The following RC3H1 variants were observed in gnomAD, a reference collection of about 807,000 sequenced individuals.
The protein encoded by RC3H1 is ring finger and CCCH-type domains 1, also known as roquin-1.
In RC3H1, 50 loss-of-function variants were observed where a neutral mutation model predicts 138.2. That is an observed-to-expected ratio of 0.36 (90% CI 0.29 to 0.46). The LOEUF (loss-of-function observed/expected upper bound fraction) is 0.46, where lower values mean the gene tolerates loss of function less well. Among genes scored for constraint, RC3H1 ranks in the 20% least tolerant of loss-of-function variants. RC3H1 has a pLI of 1.00. For synonymous variants in RC3H1, 462 were observed against 489.1 expected (o/e 0.94, Z 0.73); for missense variants, 1,031 against 1,388.1 (o/e 0.74, Z 4.09).
rs1316232947 is a variant in RC3H1, at chr1:173,933,935, T to TA, written c.*4785dup. 4.3e-5 allele frequency: 6 copies of TA among 138,376 alleles called. No homozygotes were observed. Among genetic ancestry groups the TA allele is most frequent in the African/African-American group, 1.8e-4 (5 of 28,566 alleles). The allele number at this position is 138,376 out of a possible 1,614,324, so 8.6% of individuals were successfully genotyped here. A position where few individuals can be genotyped will look rare whatever the true frequency, so the allele number is the denominator to read the frequency against. ...TCATCAGTTAAAAATTTAACACACT[T>TA]AGACTCTTATTAGGGGGAAAAAATC... On this transcript the variant is annotated 3_prime_UTR_variant, in exon 20 of 20. Transcript: ENST00000367696.
chr1:174,018,579 A>G (rs1043803763), intron 1 of RC3H1, among the ~76,000 whole-genome samples: 2 of 152,204 alleles, frequency 1.3e-5, no homozygotes, highest in African/African-American at 4.8e-5. Flanking sequence ...CATAACCTCT[A>G]AAGCTAGTCC....
At chr1:174,004,880 A>G (rs931640032) in intron 1 of RC3H1, among the ~76,000 whole-genome samples, 4 of 151,442 alleles carry the variant, frequency 2.6e-5, no homozygotes, top group African/African-American at 7.3e-5. Flanking sequence ...TTCTTCCCCA[A>G]CAGTTTCCCA....
At chr1:174,018,906 G>C (rs1661910671) in intron 1 of RC3H1, among the ~76,000 whole-genome samples, 1 of 152,102 alleles carries the variant, frequency 6.6e-6, no homozygotes, top group South Asian at 2.1e-4. Context: ...AGACCCATCA[G>C]AATCCATTTC....
chr1:173,938,630 A>T lies in RC3H1; in HGVS notation c.*91T>A. 1.0e-6 allele frequency: 1 copy of T among 975,986 alleles called. No individual in the cohort carries two copies. The highest frequency in any genetic ancestry group is 2.5e-5 in the South Asian group (1 of 39,828). The allele number at this position is 975,986 out of a possible 1,614,324, so 60.5% of individuals were successfully genotyped here. On this transcript the variant is annotated 3_prime_UTR_variant, in exon 20 of 20. Coordinates refer to ENST00000367696, the MANE Select transcript of RC3H1 (RefSeq NM_172071.4). ...TTCCTGGATTTCTCTGACCGCTCTT[A>T]AGAGAAAAAGTTTAGAAGTTATGCG... is the stretch of plus-strand genomic sequence containing the variant.
chr1:173,997,810 C>G (rs1661490966), intron 1 of RC3H1, among the ~76,000 whole-genome samples: 2 of 152,010 alleles, frequency 1.3e-5, no homozygotes, highest in East Asian at 3.9e-4. Flanking sequence ...CTTAGATGAC[C>G]CTATTTCAGG....
chr1:173,998,781 T>A (rs1661508598), intron 1 of RC3H1, among the ~76,000 whole-genome samples: 1 of 152,208 alleles, frequency 6.6e-6, no homozygotes, highest in East Asian at 1.9e-4. Flanking sequence ...GAAATAAAGA[T>A]CTTATTATCA....
intron 19 of RC3H1, among the ~76,000 whole-genome samples, chr1:173,940,975 C>T (rs1216102491): frequency 6.6e-6 from 1 of 152,056 alleles, no homozygotes; most frequent in East Asian, 1.9e-4. Context: ...GCACATGCCA[C>T]CACACCAAAC....
chr1:173,945,381 C>G (rs561908355), intron 17 of RC3H1, among the ~76,000 whole-genome samples: 4 of 152,332 alleles, frequency 2.6e-5, no homozygotes, highest in East Asian at 3.9e-4. Context: ...CTGCTCTGGC[C>G]TCCCAAAGTG....
chr1:173,966,576 G>A (rs1454437070), intron 9 of RC3H1, among the ~76,000 whole-genome samples: 2 of 152,016 alleles, frequency 1.3e-5, no homozygotes, highest in Admixed American at 6.5e-5. Context: ...TTAGCTGGGT[G>A]TGGTGGCAGG....
At chr1:173,996,371 T>C (rs1220107832) in intron 1 of RC3H1, among the ~76,000 whole-genome samples, 1 of 152,086 alleles carries the variant, frequency 6.6e-6, no homozygotes, top group African/African-American at 2.4e-5. Context: ...TACGTATTAA[T>C]ATATGTAAAT....
At chr1:173,977,910 T>C (rs1660653408) in intron 7 of RC3H1, among the ~76,000 whole-genome samples, 1 of 152,182 alleles carries the variant, frequency 6.6e-6, no homozygotes, top group Non-Finnish European at 1.5e-5. Flanking sequence ...AATCAGAGAC[T>C]GGGAATCTAC....
At chr1:174,016,816 G>A (rs1661871104) in intron 1 of RC3H1, among the ~76,000 whole-genome samples, 1 of 151,474 alleles carries the variant, frequency 6.6e-6, no homozygotes, top group Non-Finnish European at 1.5e-5. Flanking sequence ...AATCTTAGCA[G>A]TAACTCTAAA....
In RC3H1 at chr1:173,985,160, A is replaced by G. The variant is rs544535251; in HGVS notation, c.232-541T>C. On this transcript the variant is annotated intron_variant, in intron 2 of 19. Coordinates refer to ENST00000367696, the MANE Select transcript of RC3H1 (RefSeq NM_172071.4). ...GTACTTCATTCATTTTCATCACTGA[A>G]TAAAATTCCATTGTATAAATATATC... Among the ~76,000 whole-genome samples the G allele has an allele frequency of 3.8e-4, 58 of 152,334 alleles. 1 individual carries two copies. The South Asian group carries it at 7.5e-3, about 20-fold the overall frequency.
chr1:173,973,213 A>G (rs1660438496), intron 7 of RC3H1, among the ~76,000 whole-genome samples: 1 of 152,198 alleles, frequency 6.6e-6, no homozygotes, highest in African/African-American at 2.4e-5. Context: ...GAACTTTTAT[A>G]TAAATAAAGT....
At chr1:173,951,298 C>T (rs915660799) in intron 14 of RC3H1, among the ~76,000 whole-genome samples, 1 of 151,898 alleles carries the variant, frequency 6.6e-6, no homozygotes, top group Admixed American at 6.6e-5. Flanking sequence ...GAACTCCAGC[C>T]TGGGCAACAA....
chr1:174,000,144 A>C (rs1661537984), intron 1 of RC3H1, among the ~76,000 whole-genome samples: 1 of 152,236 alleles, frequency 6.6e-6, no homozygotes, highest in South Asian at 2.1e-4. Context: ...ACTTCAATAA[A>C]GCTGTTAAAA....
chr1:173,982,979 T>C (rs1465563912), intron 4 of RC3H1, 77 bp from the exon 5 acceptor site: 2 of 1,291,858 alleles, frequency 1.5e-6, no homozygotes, highest in Non-Finnish European at 2.2e-6. Context: ...GGGGAATATT[T>C]AATCATTTCT....
chr1:173,984,890 G>A (rs1660961526), intron 2 of RC3H1, among the ~76,000 whole-genome samples: 2 of 152,018 alleles, frequency 1.3e-5, no homozygotes, highest in Non-Finnish European at 2.9e-5. Flanking sequence ...ATTCACAGTT[G>A]TCCAAACATA....
At position 173,938,785 on chromosome 1, in the gene RC3H1, G is replaced by A. The variant is rs199503126; in HGVS notation, c.3338C>T (p.Pro1113Leu). ...GTCATTATTATCCCCTCCTCCCTCA[G>A]GGTCCTCTGACAGGTTCAGAGAGCT... ...KTSSLNLSEDPEGGGDNNDSQ... is the reference protein window; with the variant it reads ...KTSSLNLSEDLEGGGDNNDSQ... The change falls in exon 20 of 20, where the codon CCT (proline) becomes CTT (leucine). Residue 1113 changes from proline to leucine, a missense_variant. Physicochemically the swap from Pro to Leu is moderately conservative, Grantham distance 98. Transcript: ENST00000367696. 4 of 1,613,504 alleles carry A rather than the reference G, an allele frequency of 2.5e-6. No homozygotes were observed. In the East Asian group the frequency reaches 6.7e-5, roughly 27 times the overall value.
Sources: gnomAD v4.1 joint callset for allele counts (sites outside exome capture counted in the v4.1 genomes callset) on GRCh38, gnomAD v4.1.1 for gene constraint, MANE v1.5 for transcripts, NCBI Gene and HGNC (gene_info 2026-07-23, HGNC 2026-07-21) for gene names.